EYS: variants seen among roughly 807,000 people sequenced by gnomAD.
EYS encodes the protein protein eyes shut homolog.
In EYS, 250 loss-of-function variants were observed where a neutral mutation model predicts 282.1. The ratio of observed to expected loss-of-function variants is 0.89; its 90% CI spans 0.80 to 0.98. EYS has a LOEUF of 0.98. Ranked by LOEUF, EYS falls within the 50% of genes least tolerant of loss-of-function variation. The pLI, the probability that EYS is intolerant of heterozygous loss-of-function variation, is 0.00. For missense variants in EYS, 4,016 were observed against 3,709.0 expected, an observed-to-expected ratio of 1.08 and a Z score of -2.15; for synonymous variants, 1,355 against 1,282.9, an observed-to-expected ratio of 1.06 and a Z score of -1.20.
At chr6:65,371,383 C>G (rs1765134345) in intron 8 of EYS, among the ~76,000 whole-genome samples, 1 of 151,346 alleles carries the variant, frequency 6.6e-6, no homozygotes, top group African/African-American at 2.4e-5. Context: ...CCACGGATAC[C>G]TAGGGAGGAC....
At chr6:65,332,081 C>A in intron 11 of EYS, 1 of 310,554 alleles carries the variant, frequency 3.2e-6, no homozygotes, top group Non-Finnish European at 5.9e-6. Flanking sequence ...AGTCTTTCAG[C>A]CTTTCACCGT....
intron 22 of EYS, among the ~76,000 whole-genome samples, chr6:64,734,532 T>C (rs1772118467): frequency 6.6e-6 from 1 of 152,208 alleles, no homozygotes; most frequent in Non-Finnish European, 1.5e-5. Flanking sequence ...TAAAAAATTT[T>C]GGGGTTTGTG....
chr6:65,309,315 G>A (rs1447343810), intron 11 of EYS, among the ~76,000 whole-genome samples: 1 of 152,138 alleles, frequency 6.6e-6, no homozygotes, highest in Admixed American at 6.5e-5. Context: ...GCAGGCCTCT[G>A]AAATGACATT....
In EYS at chr6:64,766,646, AAAAATATATATATATATATAT is replaced by A. The variant is rs1186519829; in HGVS notation, c.3443+46711_3443+46731del. 5.7e-3 allele frequency among the ~76,000 whole-genome samples: 80 copies of A among 14,050 alleles called. 4 individuals are homozygous for A. Among genetic ancestry groups the A allele is most frequent in the Middle Eastern group, 0.071 (2 of 28 alleles). 9.2% of individuals were successfully genotyped at this position (14,050 alleles called of 152,430 possible). On this transcript the variant is annotated intron_variant, in intron 22 of 42. Coordinates refer to ENST00000503581, the MANE Select transcript of EYS (RefSeq NM_001142800.2). Reference sequence around the variant, plus strand: ...AACTCCGTCTCAAAAAAAAAAAAAAAAAAATATATATATATATATATATATATATATATATATAAAATCTAA... The same window carrying A: ...AACTCCGTCTCAAAAAAAAAAAAAAAATATATATATATATATAAAATCTAA...
At chr6:65,157,693 T>C (rs1035489698) in intron 12 of EYS, among the ~76,000 whole-genome samples, 3 of 150,812 alleles carry the variant, frequency 2.0e-5, no homozygotes, top group African/African-American at 7.3e-5. Context: ...TAAAATATTA[T>C]ATCTATTTTG....
At chr6:64,681,414 T>C (rs1161997204) in intron 22 of EYS, among the ~76,000 whole-genome samples, 1 of 151,936 alleles carries the variant, frequency 6.6e-6, no homozygotes, top group Non-Finnish European at 1.5e-5. Flanking sequence ...AAAGAATAAC[T>C]AAAAGATGAG....
At chr6:65,627,392 T>A (rs1009905667) in intron 2 of EYS, among the ~76,000 whole-genome samples, 1 of 152,172 alleles carries the variant, frequency 6.6e-6, no homozygotes, top group Admixed American at 6.5e-5. Context: ...TCGCTCGCTC[T>A]CGGTGCCTCC....
At chr6:65,380,500 T>C (rs1765568649) in intron 8 of EYS, among the ~76,000 whole-genome samples, 1 of 151,886 alleles carries the variant, frequency 6.6e-6, no homozygotes. Context: ...AAATGTAAAA[T>C]TTAAAACCAT....
intron 1 of EYS, among the ~76,000 whole-genome samples, chr6:65,648,735 C>CAGAGA (rs10643247): frequency 0.16 from 24,521 of 151,536 alleles, 2,109 homozygotes; most frequent in South Asian, 0.3. Context: ...ATAAAACAAA[C>CAGAGA]AGAGAAAAGG....
chr6:65,414,889 T>C (rs1562164705), intron 5 of EYS, among the ~76,000 whole-genome samples: 1 of 152,092 alleles, frequency 6.6e-6, no homozygotes. Context: ...TTAATGTTAC[T>C]ATAGCAGAGT....
intron 31 of EYS, among the ~76,000 whole-genome samples, chr6:64,095,016 G>A (rs2150254552): frequency 6.6e-6 from 1 of 152,296 alleles, no homozygotes; most frequent in East Asian, 1.9e-4. Flanking sequence ...TATGTACCCA[G>A]TAGTCATTCA....
At chr6:64,643,263 G>A (rs539960967) in intron 22 of EYS, among the ~76,000 whole-genome samples, 1 of 152,206 alleles carries the variant, frequency 6.6e-6, no homozygotes, top group African/African-American at 2.4e-5. Flanking sequence ...TAGATATCAG[G>A]TCAGTGCAAA....
chr6:64,244,100 A>T (rs912873693), intron 30 of EYS, among the ~76,000 whole-genome samples: 1 of 152,160 alleles, frequency 6.6e-6, no homozygotes, highest in South Asian at 2.1e-4. Flanking sequence ...GATTTCCCCA[A>T]TCCCTCACTA....
chr6:65,036,638 A>G (rs1356445630), intron 13 of EYS, among the ~76,000 whole-genome samples: 11 of 151,626 alleles, frequency 7.3e-5, no homozygotes, highest in Non-Finnish European at 1.5e-5. Context: ...ACAAAAAAAC[A>G]CCATTGAAAA....
chr6:63,834,319 G>A (rs1771738171), intron 36 of EYS, among the ~76,000 whole-genome samples: 1 of 152,036 alleles, frequency 6.6e-6, no homozygotes, highest in African/African-American at 2.4e-5. Flanking sequence ...CATGTGACAA[G>A]GGAGTAATAT....
intron 26 of EYS, among the ~76,000 whole-genome samples, chr6:64,564,538 C>T (rs1402944809): frequency 6.6e-6 from 1 of 152,050 alleles, no homozygotes; most frequent in African/African-American, 2.4e-5. Flanking sequence ...ACCTCCGCCT[C>T]CCAAAGTGCT....
chr6:64,629,142 C>A (rs774718732), intron 22 of EYS, among the ~76,000 whole-genome samples: 3 of 152,016 alleles, frequency 2.0e-5, no homozygotes, highest in Non-Finnish European at 4.4e-5. Context: ...TTGATGACTT[C>A]GACTGTTTTG....
intron 2 of EYS, among the ~76,000 whole-genome samples, chr6:65,619,361 T>TA: frequency 6.6e-6 from 1 of 152,202 alleles, no homozygotes; most frequent in Admixed American, 6.5e-5. Context: ...GTTTGTCTGT[T>TA]ATTGGTGTAT....
At chr6:65,193,832 A>G (rs897176201) in intron 12 of EYS, among the ~76,000 whole-genome samples, 3 of 151,860 alleles carry the variant, frequency 2.0e-5, no homozygotes, top group Non-Finnish European at 4.4e-5. Flanking sequence ...CTGAGTACAA[A>G]GGTGTCAACC....
Sources: gnomAD v4.1 joint callset for allele counts (sites outside exome capture counted in the v4.1 genomes callset) on GRCh38, gnomAD v4.1.1 for gene constraint, MANE v1.5 for transcripts, NCBI Gene and HGNC (gene_info 2026-07-23, HGNC 2026-07-21) for gene names.